BRINP3: variants seen among roughly 807,000 people sequenced by gnomAD.
The protein encoded by BRINP3 is BMP/retinoic acid inducible neural specific 3.
Under a neutral mutation model 71.0 loss-of-function variants are expected in BRINP3, and 19 were observed. The ratio of observed to expected loss-of-function variants is 0.27; its 90% CI spans 0.19 to 0.39. The LOEUF (loss-of-function observed/expected upper bound fraction) is 0.39. BRINP3 is among the 10% of genes least tolerant of loss of function. The pLI, the probability that BRINP3 is intolerant of heterozygous loss-of-function variation, is 1.00. For synonymous variants in BRINP3, 380 were observed against 337.7 expected (o/e 1.13, Z -1.37); for missense variants, 959 against 940.8 (o/e 1.02, Z -0.25).
At chr1:190,386,860 A>G (rs766211233) in intron 2 of BRINP3, among the ~76,000 whole-genome samples, 1 of 152,038 alleles carries the variant, frequency 6.6e-6, no homozygotes, top group Non-Finnish European at 1.5e-5. Flanking sequence ...TAGGGTAAAA[A>G]TTTGTTTATT....
intron 2 of BRINP3, among the ~76,000 whole-genome samples, chr1:190,327,528 C>T (rs997885963): frequency 3.4e-5 from 5 of 146,764 alleles, no homozygotes; most frequent in Non-Finnish European, 6.0e-5. Flanking sequence ...ATTCCTATAT[C>T]TGATAAAACA....
At chr1:190,340,834 A>G (rs1667607172) in intron 2 of BRINP3, among the ~76,000 whole-genome samples, 1 of 151,930 alleles carries the variant, frequency 6.6e-6, no homozygotes, top group Non-Finnish European at 1.5e-5. Flanking sequence ...AAGAGGATCA[A>G]GAGTACCTGG....
chr1:190,447,600 A>G (rs1022702749), intron 2 of BRINP3, among the ~76,000 whole-genome samples: 4 of 146,474 alleles, frequency 2.7e-5, no homozygotes, highest in Non-Finnish European at 6.0e-5. Flanking sequence ...CTTTCTCCCT[A>G]TAGCTCTCTC....
intron 6 of BRINP3, among the ~76,000 whole-genome samples, chr1:190,190,501 T>C (rs2102570845): frequency 6.6e-6 from 1 of 152,262 alleles, no homozygotes; most frequent in Non-Finnish European, 1.5e-5. Flanking sequence ...AACTGATGTT[T>C]CTGCAGGGTA....
intron 3 of BRINP3, among the ~76,000 whole-genome samples, chr1:190,268,704 A>T (rs1661856427): frequency 6.6e-6 from 1 of 152,180 alleles, no homozygotes; most frequent in Non-Finnish European, 1.5e-5. Flanking sequence ...AAAACTTAGT[A>T]AGGTACAAGC....
chr1:190,121,655 A>G (rs541653721), intron 7 of BRINP3, among the ~76,000 whole-genome samples: 2 of 152,290 alleles, frequency 1.3e-5, no homozygotes, highest in African/African-American at 4.8e-5. Context: ...ATTAATATAA[A>G]AGTTTAGGCA....
intron 2 of BRINP3, among the ~76,000 whole-genome samples, chr1:190,355,187 T>A (rs2102072151): frequency 6.6e-6 from 1 of 152,032 alleles, no homozygotes; most frequent in Admixed American, 6.6e-5. Context: ...AACTATAAAC[T>A]ATGCTAAATA....
At chr1:190,442,686 TTTC>T (rs1674908769) in intron 2 of BRINP3, among the ~76,000 whole-genome samples, 1 of 151,790 alleles carries the variant, frequency 6.6e-6, no homozygotes, top group African/African-American at 2.4e-5. Flanking sequence ...GTGTGTGTAT[TTTC>T]TTCAAATGTG....
At chr1:190,229,605 T>G (rs1657748219) in intron 5 of BRINP3, among the ~76,000 whole-genome samples, 1 of 148,924 alleles carries the variant, frequency 6.7e-6, no homozygotes, top group Non-Finnish European at 1.5e-5. Context: ...ATTTAGTTAC[T>G]AGATGAGCTA....
At chr1:190,113,987 T>TATTGAA (rs1448159519) in intron 7 of BRINP3, among the ~76,000 whole-genome samples, 6 of 152,190 alleles carry the variant, frequency 3.9e-5, no homozygotes, top group Non-Finnish European at 7.3e-5. Flanking sequence ...ATAAAAATAC[T>TATTGAA]TAGATTATAC....
chr1:190,299,612 T>C (rs1046127866), intron 2 of BRINP3, among the ~76,000 whole-genome samples: 35 of 115,858 alleles, frequency 3.0e-4, no homozygotes, highest in African/African-American at 9.2e-4. Flanking sequence ...GTCCCCAGAG[T>C]GTGATGTTCC....
In BRINP3 at chr1:190,281,574, G is replaced by A. The variant is rs1297231883; in HGVS notation, c.413C>T (p.Ser138Phe). 8 of 1,612,400 alleles carry A rather than the reference G, an allele frequency of 5.0e-6. No homozygotes were observed. The African/African-American group carries it at 1.1e-4, about 22-fold the overall frequency. Residue 138 changes from serine (S) to phenylalanine (F), a missense_variant, in exon 3 of 8, where the codon TCT becomes TTT. Transcript: ENST00000367462. Reference protein sequence around the residue: ...IKKYGTHFLLSATLGGEESLT... With the variant: ...IKKYGTHFLLFATLGGEESLT... ...AAGAGCCGTACCTCCCAGAGTAGCA[G>A]ATAGCAAGAAATGTGTCCCATATTT...
At chr1:190,384,091 T>C (rs1171341) in intron 2 of BRINP3, among the ~76,000 whole-genome samples, 2 of 151,316 alleles carry the variant, frequency 1.3e-5, no homozygotes, top group African/African-American at 4.8e-5. Context: ...TATGGTTTCA[T>C]ATATATCATA....
intron 6 of BRINP3, among the ~76,000 whole-genome samples, chr1:190,161,962 A>G (rs1651021357): frequency 2.0e-5 from 3 of 152,266 alleles, no homozygotes; most frequent in Admixed American, 2.0e-4. Context: ...AACAATTCAC[A>G]GTGAATTATA....
chr1:190,422,320 G>A (rs1208200818), intron 2 of BRINP3, among the ~76,000 whole-genome samples: 2 of 151,756 alleles, frequency 1.3e-5, no homozygotes, highest in African/African-American at 4.8e-5. Context: ...CATAGAGATG[G>A]TTGACATATT....
At chr1:190,446,914 T>G (rs1369570594) in intron 2 of BRINP3, among the ~76,000 whole-genome samples, 1 of 151,990 alleles carries the variant, frequency 6.6e-6, no homozygotes, top group Non-Finnish European at 1.5e-5. Context: ...GGTGAACAAC[T>G]GGCTTGCTCT....
chr1:190,222,551 C>A (rs1234216450), intron 6 of BRINP3, among the ~76,000 whole-genome samples: 1 of 151,460 alleles, frequency 6.6e-6, no homozygotes, highest in Admixed American at 6.6e-5. Flanking sequence ...AAAATCACAG[C>A]AGATATGAAT....
intron 2 of BRINP3, among the ~76,000 whole-genome samples, chr1:190,317,467 T>A (rs535554593): frequency 2.0e-5 from 3 of 152,150 alleles, no homozygotes; most frequent in African/African-American, 7.2e-5. Context: ...ACATCCCATA[T>A]GTCCCTTCTT....
At chr1:190,393,038 T>C (rs974805789) in intron 2 of BRINP3, among the ~76,000 whole-genome samples, 2 of 151,590 alleles carry the variant, frequency 1.3e-5, no homozygotes, top group African/African-American at 4.8e-5. Flanking sequence ...AATATACCCA[T>C]GAATATCTAG....
Sources: allele counts gnomAD v4.1 joint callset (sites outside exome capture counted in the v4.1 genomes callset), GRCh38; gene constraint gnomAD v4.1.1; transcripts MANE v1.5; gene names NCBI Gene and HGNC (gene_info 2026-07-23, HGNC 2026-07-21).